TSGA10: variants seen among roughly 807,000 people sequenced by gnomAD.
TSGA10 encodes testis-specific gene 10 protein.
Under a neutral mutation model 96.6 loss-of-function variants are expected in TSGA10, and 43 were observed. That is an observed-to-expected ratio of 0.44 (90% CI 0.35 to 0.57). The LOEUF (loss-of-function observed/expected upper bound fraction) is 0.57, where lower values mean the gene tolerates loss of function less well. Among genes scored for constraint, TSGA10 ranks in the 20% least tolerant of loss-of-function variants. TSGA10 has a pLI of 0.01. For missense variants in TSGA10, 703 were observed against 834.4 expected, an observed-to-expected ratio of 0.84 and a Z score of 1.94; for synonymous variants, 229 against 269.9, an observed-to-expected ratio of 0.85 and a Z score of 1.48.
At chr2:99,017,504 G>A (rs890532071) in intron 20 of TSGA10, among the ~76,000 whole-genome samples, 1 of 152,170 alleles carries the variant, frequency 6.6e-6, no homozygotes, top group African/African-American at 2.4e-5. Flanking sequence ...GGTGGCTCAC[G>A]CCTGTAATCC....
intron 1 of TSGA10, chr2:99,150,992 A>G (rs1032282244): frequency 1.6e-5 from 8 of 510,070 alleles, no homozygotes; most frequent in Middle Eastern, 4.3e-4. Flanking sequence ...GCATTTTTTT[A>G]TGATGCTTAT....
intron 7 of TSGA10, among the ~76,000 whole-genome samples, chr2:99,108,298 A>T (rs1314709222): frequency 1.3e-5 from 2 of 152,148 alleles, no homozygotes; most frequent in Non-Finnish European, 2.9e-5. Flanking sequence ...ATAATTTGTT[A>T]AAAAATTGTG....
At chr2:99,035,574 G>T in intron 16 of TSGA10, 135 bp from the exon 17 acceptor site, 1 of 532,730 alleles carries the variant, frequency 1.9e-6, no homozygotes, top group Non-Finnish European at 3.2e-6. Flanking sequence ...TAATACAGGT[G>T]GTAACAATAT....
At chr2:99,104,250 A>ATAAT in intron 9 of TSGA10, 132 bp from the exon 10 acceptor site, 2 of 987,592 alleles carry the variant, frequency 2.0e-6, no homozygotes, top group Non-Finnish European at 2.9e-6. Flanking sequence ...GTTAGACCTG[A>ATAAT]CTGCTGTAGA....
chr2:99,144,211 C>CG (rs1253213368), intron 1 of TSGA10, among the ~76,000 whole-genome samples: 2 of 151,752 alleles, frequency 1.3e-5, no homozygotes, highest in Non-Finnish European at 2.9e-5. Context: ...TTAGTAGAGA[C>CG]GGGGTTTCAC....
At chr2:99,090,433 T>C (rs986789944) in intron 10 of TSGA10, among the ~76,000 whole-genome samples, 2 of 152,186 alleles carry the variant, frequency 1.3e-5, no homozygotes, top group Admixed American at 1.3e-4. Flanking sequence ...TTTAGATTTC[T>C]TCTTGCCAGA....
intron 20 of TSGA10, among the ~76,000 whole-genome samples, chr2:99,006,213 C>T (rs1558696900): frequency 6.6e-6 from 1 of 152,048 alleles, no homozygotes; most frequent in Admixed American, 6.5e-5. Context: ...TAGGCAATAC[C>T]GTTCAGGACA....
At chr2:99,008,986 C>T (rs746562733) in intron 20 of TSGA10, among the ~76,000 whole-genome samples, 1 of 151,894 alleles carries the variant, frequency 6.6e-6, no homozygotes, top group Non-Finnish European at 1.5e-5. Context: ...AGCACAAAAC[C>T]ACAAAGAAAG....
intron 13 of TSGA10, 32 bp downstream of exon 13, chr2:99,072,986 G>C (rs1486339383): frequency 1.9e-6 from 3 of 1,540,622 alleles, no homozygotes; most frequent in South Asian, 1.2e-5. Context: ...CCCCCAGTAA[G>C]AGCTCATATA....
chr2:99,021,456 T>C (rs2079996113), intron 17 of TSGA10, among the ~76,000 whole-genome samples: 6 of 152,146 alleles, frequency 3.9e-5, no homozygotes, highest in Admixed American at 3.3e-4. Context: ...AGCTAAATGA[T>C]AATGATCAGA....
chr2:99,133,472 T>C (rs958820014), intron 1 of TSGA10, among the ~76,000 whole-genome samples: 6 of 152,364 alleles, frequency 3.9e-5, no homozygotes, highest in Non-Finnish European at 7.3e-5. Flanking sequence ...TTTGAGCCTA[T>C]GTGTGTCTTT....
At chr2:99,068,547 A>G (rs1046057886) in intron 15 of TSGA10, among the ~76,000 whole-genome samples, 1 of 152,180 alleles carries the variant, frequency 6.6e-6, no homozygotes, top group Non-Finnish European at 1.5e-5. Context: ...GATCTGCTAC[A>G]TAATCAGGTG....
At chr2:99,006,285 T>C (rs1355777730) in intron 20 of TSGA10, among the ~76,000 whole-genome samples, 26 of 151,962 alleles carry the variant, frequency 1.7e-4, no homozygotes, top group Admixed American at 2.0e-4. Flanking sequence ...AAGCCAAAAT[T>C]GACAAATGGG....
Position 99,018,321 on chromosome 2 carries a change from G to C in TSGA10, c.1951C>G (p.Gln651Glu). 6.2e-7 allele frequency: 1 copy of C among 1,614,086 alleles called. No individual in the cohort carries two copies. The highest frequency in any genetic ancestry group is 8.5e-7 in the Non-Finnish European group (1 of 1,180,008). The part of the protein sequence containing the change: ...RERAVQELRR[Q>E]NYSSNAYHMS... ...TGATAAGCATTACTTGAATAATTTT[G>C]GCGGCGAAGTTCTTGTACGGCCCTC... The change falls in exon 20 of 21, where the codon CAA becomes GAA. Residue 651 changes from glutamine to glutamate, a missense_variant. Transcript: ENST00000393483.
At chr2:99,121,958 G>A (rs1053075874) in intron 2 of TSGA10, among the ~76,000 whole-genome samples, 1 of 152,126 alleles carries the variant, frequency 6.6e-6, no homozygotes, top group African/African-American at 2.4e-5. Context: ...TATGAAGTGT[G>A]AGATTTAAGT....
At chr2:99,011,088 G>C (rs548102193) in intron 20 of TSGA10, among the ~76,000 whole-genome samples, 4 of 152,226 alleles carry the variant, frequency 2.6e-5, no homozygotes, top group African/African-American at 9.6e-5. Context: ...TCTGAGCCCA[G>C]ACCCACCTAA....
At chr2:99,133,552 G>A (rs2093196564) in intron 1 of TSGA10, among the ~76,000 whole-genome samples, 1 of 152,176 alleles carries the variant, frequency 6.6e-6, no homozygotes, top group Non-Finnish European at 1.5e-5. Context: ...TTGCCAGTCT[G>A]TGTCTTTTAG....
In TSGA10 at chr2:99,117,676, T is replaced by C; in HGVS notation, c.-272A>G. 1 of 985,824 alleles carries C rather than the reference T, an allele frequency of 1.0e-6. No individual in the cohort carries two copies. Among genetic ancestry groups the C allele is most frequent in the Non-Finnish European group, 1.2e-6 (1 of 829,894 alleles). The allele number at this position is 985,824 out of a possible 1,614,324, so 61.1% of individuals were successfully genotyped here. On this transcript the variant is annotated 5_prime_UTR_variant, in exon 4 of 21. Transcript: ENST00000393483. ...CATTGTGGCTGGTTAAATCATCTAC[T>C]TGACTGCTTACCACCTCCTTACTAT... is the stretch of plus-strand genomic sequence containing the variant.
chr2:99,146,788 C>G (rs2093636742), intron 1 of TSGA10, among the ~76,000 whole-genome samples: 1 of 152,198 alleles, frequency 6.6e-6, no homozygotes, highest in South Asian at 2.1e-4. Flanking sequence ...GCCACCACAC[C>G]TGGCTAATTT....
Sources: allele counts gnomAD v4.1 joint callset (sites outside exome capture counted in the v4.1 genomes callset), GRCh38; gene constraint gnomAD v4.1.1; transcripts MANE v1.5; gene names NCBI Gene and HGNC (gene_info 2026-07-23, HGNC 2026-07-21).